Variants in CACNA2D3 observed in about 807,000 individuals in gnomAD.
CACNA2D3 encodes calcium voltage-gated channel auxiliary subunit alpha2delta 3.
Under a neutral mutation model 160.6 loss-of-function variants are expected in CACNA2D3, and 60 were observed. The observed-to-expected ratio is 0.37, with a 90% CI of 0.30 to 0.46. CACNA2D3 has a LOEUF of 0.46. Ranked by LOEUF, CACNA2D3 falls within the 20% of genes least tolerant of loss-of-function variation. The pLI, the probability that CACNA2D3 is intolerant of heterozygous loss-of-function variation, is 1.00. For missense variants in CACNA2D3, 1,205 were observed against 1,365.0 expected (o/e 0.88, Z 1.85); for synonymous variants, 558 against 492.9 (o/e 1.13, Z -1.75).
intron 4 of CACNA2D3, among the ~76,000 whole-genome samples, chr3:54,419,176 G>C (rs1378793104): frequency 5.3e-5 from 8 of 152,230 alleles, no homozygotes; most frequent in Admixed American, 5.2e-4. Flanking sequence ...CTCGGAACTT[G>C]AGCCATGTCA....
chr3:54,830,450 C>CT (rs35103723), intron 14 of CACNA2D3, among the ~76,000 whole-genome samples: 2,337 of 137,312 alleles, frequency 0.017, 31 homozygotes, highest in Middle Eastern at 0.035. Flanking sequence ...CATTTAAATA[C>CT]TTTTTTTTTT....
At chr3:54,566,843 G>A (rs1203171555) in intron 6 of CACNA2D3, among the ~76,000 whole-genome samples, 2 of 152,146 alleles carry the variant, frequency 1.3e-5, no homozygotes, top group African/African-American at 4.8e-5. Flanking sequence ...CCACGATGAG[G>A]GAGCTGAACA....
chr3:54,762,164 T>C (rs1175694358), intron 12 of CACNA2D3, among the ~76,000 whole-genome samples: 1 of 152,142 alleles, frequency 6.6e-6, no homozygotes, highest in Admixed American at 6.5e-5. Context: ...CTAAACTCTT[T>C]CCCAAGTTCT....
At chr3:54,987,847 C>T in intron 31 of CACNA2D3, 94 bp downstream of exon 31, 1 of 858,364 alleles carries the variant, frequency 1.2e-6, no homozygotes, top group Non-Finnish European at 1.8e-6. Context: ...CAGACTTGAC[C>T]CTGTGGCTGG....
At chr3:54,510,500 C>T (rs181306939) in intron 5 of CACNA2D3, among the ~76,000 whole-genome samples, 57 of 152,232 alleles carry the variant, frequency 3.7e-4, no homozygotes, top group Admixed American at 7.2e-4. Context: ...TTCCCAAAAT[C>T]CAAGTGAGAA....
At chr3:54,211,686 C>T (rs573100352) in intron 2 of CACNA2D3, among the ~76,000 whole-genome samples, 2 of 152,204 alleles carry the variant, frequency 1.3e-5, no homozygotes, top group African/African-American at 2.4e-5. Context: ...TGTCCTTAGT[C>T]GACAAGGACT....
At chr3:54,203,731 C>T (rs1701217577) in intron 2 of CACNA2D3, among the ~76,000 whole-genome samples, 1 of 152,078 alleles carries the variant, frequency 6.6e-6, no homozygotes, top group Non-Finnish European at 1.5e-5. Context: ...GTGCTGGCAT[C>T]TGTCGGTGTG....
intron 2 of CACNA2D3, among the ~76,000 whole-genome samples, chr3:54,313,770 A>G (rs1703800061): frequency 8.5e-6 from 1 of 118,056 alleles, no homozygotes; most frequent in Non-Finnish European, 1.6e-5. Flanking sequence ...TGTCGTCCTC[A>G]AAGGGTTCTG....
chr3:54,549,049 C>T (rs1702110599), intron 5 of CACNA2D3, among the ~76,000 whole-genome samples: 1 of 152,208 alleles, frequency 6.6e-6, no homozygotes. Flanking sequence ...CTTGGCTCCC[C>T]ATCCAGACCT....
intron 2 of CACNA2D3, among the ~76,000 whole-genome samples, chr3:54,287,051 G>A (rs866287734): frequency 6.6e-6 from 1 of 151,760 alleles, no homozygotes; most frequent in Admixed American, 6.6e-5. Context: ...AACATCATAA[G>A]GATAGGATCA....
rs548833538 is a variant in CACNA2D3 at position 54,764,447 on chromosome 3, T to G, written c.1380+96T>G. On this transcript the variant is annotated intron_variant, in intron 13 of 37. Coordinates refer to ENST00000474759, the MANE Select transcript of CACNA2D3 (RefSeq NM_018398.3). The stretch of plus-strand genomic sequence containing the variant: ...ATAGCAACTGTATCACTCTTATTTT[T>G]TGTGTTCAGTGACACTTTTCTTGAT... 1.2e-4 allele frequency: 176 copies of G among 1,435,380 alleles called. 1 individual carries two copies. In the African/African-American group the frequency reaches 2.1e-3, roughly 17 times the overall value. 88.9% of individuals were successfully genotyped at this position (1,435,380 alleles called of 1,614,324 possible). A position where few individuals can be genotyped will look rare whatever the true frequency, so the allele number is the denominator to read the frequency against.
intron 12 of CACNA2D3, among the ~76,000 whole-genome samples, chr3:54,763,814 T>TATATATGTATATATATATATAC (rs1702151938): frequency 1.9e-4 from 1 of 5,210 alleles, no homozygotes; most frequent in African/African-American, 3.7e-4. Flanking sequence ...TATATATACA[T>TATATATGTATATATATATATAC]ATATATATAC....
chr3:54,768,419 T>C (rs1160253848), intron 13 of CACNA2D3, among the ~76,000 whole-genome samples: 2 of 152,228 alleles, frequency 1.3e-5, no homozygotes, highest in Non-Finnish European at 2.9e-5. Flanking sequence ...TATGATGCCT[T>C]GCTTTAGGTA....
intron 5 of CACNA2D3, among the ~76,000 whole-genome samples, chr3:54,559,438 G>A (rs765431594): frequency 2.8e-4 from 43 of 151,976 alleles, no homozygotes; most frequent in Non-Finnish European, 2.5e-4. Flanking sequence ...GACTACAGAC[G>A]CCCGCCACCA....
intron 11 of CACNA2D3, among the ~76,000 whole-genome samples, chr3:54,671,139 C>A (rs1700152490): frequency 6.6e-6 from 1 of 151,710 alleles, no homozygotes; most frequent in African/African-American, 2.4e-5. Flanking sequence ...CACGCATTTT[C>A]ACAAGAAGGC....
chr3:54,475,288 A>G (rs1700809512), intron 4 of CACNA2D3, among the ~76,000 whole-genome samples: 1 of 152,200 alleles, frequency 6.6e-6, no homozygotes, highest in South Asian at 2.1e-4. Context: ...TCCTGATTTA[A>G]TCTGGGGCAG....
rs78296127 is a variant in CACNA2D3, at chr3:55,018,342, C to G, written c.2987+25C>G. The G allele has an allele frequency of 2.2e-6, 3 of 1,386,344 alleles. No individual in the cohort carries two copies. In the African/African-American group the frequency reaches 4.3e-5, roughly 20 times the overall value. The allele number at this position is 1,386,344 out of a possible 1,614,324, so 85.9% of individuals were successfully genotyped here. A position where few individuals can be genotyped will look rare whatever the true frequency, so the allele number is the denominator to read the frequency against. ...AGTAAGCCATCCCCCCACCCTCTAA[C>G]CCCCTACACCTTTCTGCTCAGCACA... On this transcript the variant is annotated intron_variant, in intron 35 of 37. Coordinates refer to ENST00000474759, the MANE Select transcript of CACNA2D3 (RefSeq NM_018398.3).
chr3:54,161,718 G>A (rs980175090), intron 2 of CACNA2D3, among the ~76,000 whole-genome samples: 1 of 152,170 alleles, frequency 6.6e-6, no homozygotes, highest in African/African-American at 2.4e-5. Flanking sequence ...ATCATGATAT[G>A]AAAAGCATCA....
chr3:54,735,111 G>A (rs1270623771), intron 11 of CACNA2D3, among the ~76,000 whole-genome samples: 1 of 152,236 alleles, frequency 6.6e-6, no homozygotes, highest in African/African-American at 2.4e-5. Context: ...CAGAGTAGCA[G>A]CAAAGCTGTA....
Sources: gnomAD v4.1 joint callset for allele counts (sites outside exome capture counted in the v4.1 genomes callset) on GRCh38, gnomAD v4.1.1 for gene constraint, MANE v1.5 for transcripts, NCBI Gene and HGNC (gene_info 2026-07-23, HGNC 2026-07-21) for gene names.